Variants in BAG4 observed in about 807,000 individuals in gnomAD.
The protein encoded by BAG4 is BAG family molecular chaperone regulator 4.
Under a neutral mutation model 52.1 loss-of-function variants are expected in BAG4, and 28 were observed. The observed-to-expected ratio is 0.54, with a 90% CI of 0.40 to 0.74. The LOEUF is 0.74. Ranked by LOEUF, BAG4 falls within the 30% of genes least tolerant of loss-of-function variation. BAG4 has a pLI of 0.00. For missense variants in BAG4, 525 were observed against 572.0 expected (o/e 0.92, Z 0.84); for synonymous variants, 208 against 217.0 (o/e 0.96, Z 0.37).
chr8:38,185,045 C>T (rs1356197638), intron 1 of BAG4, among the ~76,000 whole-genome samples: 1 of 149,552 alleles, frequency 6.7e-6, no homozygotes, highest in Non-Finnish European at 1.5e-5. Flanking sequence ...GCCGAGATCG[C>T]ACCACTGCAT....
chr8:38,209,560 A>G, intron 4 of BAG4: 1 of 438,928 alleles, frequency 2.3e-6, no homozygotes, highest in Non-Finnish European at 4.0e-6. Context: ...TACTACTTCA[A>G]ATAATCTATG....
rs772290430 is a variant in BAG4 at position 38,207,755 on chromosome 8, C to T, written c.622C>T (p.Pro208Ser). The T allele has an allele frequency of 4.3e-6, 7 of 1,613,970 alleles. No individual in the cohort carries two copies. In the South Asian group the frequency reaches 7.7e-5, roughly 18 times the overall value. ...TCTTAGGGGGCAGGTTCCAGGATAT[C>T]CGCCTTCACAGGTGAGTTGTTTTCT... is the stretch of plus-strand genomic sequence containing the variant. ...PPLRGQVPGY[P>S]PSQNPGMTLP... The change falls in exon 3 of 5, where the codon CCG (proline) becomes TCG (serine). Residue 208 changes from proline to serine, a missense_variant. By Grantham distance (74) the Pro-to-Ser change is moderately conservative. Around this residue, in one of 2 missense-constraint regions of BAG4, gnomAD observed 238 missense variants for 305.8 expected, o/e 0.78. Transcript: ENST00000287322.
intron 2 of BAG4, among the ~76,000 whole-genome samples, chr8:38,199,937 A>T (rs1803632019): frequency 6.6e-6 from 1 of 151,920 alleles, no homozygotes; most frequent in African/African-American, 2.4e-5. Flanking sequence ...ACTGCTTTAC[A>T]TGTGGATAGT....
In BAG4 at chr8:38,211,110, T is replaced by A. The variant is rs1286872148; in HGVS notation, c.*617T>A. 2 of 151,982 alleles carry A rather than the reference T, an allele frequency of 1.3e-5. No individual in the cohort carries two copies. Among genetic ancestry groups the A allele is most frequent in the African/African-American group, 4.8e-5 (2 of 41,398 alleles). 9.4% of individuals were successfully genotyped at this position (151,982 alleles called of 1,614,324 possible). On this transcript the variant is annotated 3_prime_UTR_variant, in exon 5 of 5. Transcript: ENST00000287322. ...GATAGTATGGCAGTTCTGAAAAAAT[T>A]TATATCTTTTCACCACTTGAATATA... is the stretch of plus-strand genomic sequence containing the variant.
At chr8:38,203,094 C>T (rs962565307) in intron 2 of BAG4, 5 of 152,202 alleles carry the variant, frequency 3.3e-5, no homozygotes, top group South Asian at 2.1e-4. Flanking sequence ...TAATCATCCC[C>T]TACATATCTG....
At chr8:38,179,108 A>G (rs559348713) in intron 1 of BAG4, among the ~76,000 whole-genome samples, 2 of 152,350 alleles carry the variant, frequency 1.3e-5, no homozygotes, top group South Asian at 4.1e-4. Context: ...ATTATATCAC[A>G]GTGTAAACAA....
intron 1 of BAG4, among the ~76,000 whole-genome samples, chr8:38,183,366 T>G (rs1355079991): frequency 2.6e-5 from 4 of 151,840 alleles, no homozygotes; most frequent in Non-Finnish European, 5.9e-5. Context: ...CTTTTGCAAG[T>G]GTAATCAACC....
chr8:38,206,086 G>T (rs376048344), intron 2 of BAG4, among the ~76,000 whole-genome samples: 74 of 151,138 alleles, frequency 4.9e-4, no homozygotes, highest in African/African-American at 1.4e-3. Context: ...TCAGGAGTTC[G>T]AGACCAGCCT....
intron 1 of BAG4, among the ~76,000 whole-genome samples, chr8:38,189,905 C>A (rs1174146108): frequency 6.6e-6 from 1 of 151,948 alleles, no homozygotes; most frequent in African/African-American, 2.4e-5. Context: ...GCAAGCTCCG[C>A]CTCCCAGGTA....
intron 2 of BAG4, among the ~76,000 whole-genome samples, chr8:38,204,684 A>C (rs1378790924): frequency 6.6e-6 from 1 of 151,998 alleles, no homozygotes; most frequent in African/African-American, 2.4e-5. Context: ...GTGAGAAGGG[A>C]AAAAGAAAAA....
intron 1 of BAG4, among the ~76,000 whole-genome samples, chr8:38,187,273 G>T (rs145960438): frequency 6.6e-4 from 100 of 152,112 alleles, no homozygotes; most frequent in Middle Eastern, 6.8e-3. Context: ...TATTAAAAAA[G>T]AAACAAATAG....
intron 1 of BAG4, among the ~76,000 whole-genome samples, chr8:38,182,864 T>G (rs1385062118): frequency 1.3e-5 from 2 of 152,100 alleles, no homozygotes; most frequent in South Asian, 2.1e-4. Flanking sequence ...ATTATACTTT[T>G]TAGTGCTTCA....
chr8:38,194,728 T>C (rs1803533909), intron 2 of BAG4, among the ~76,000 whole-genome samples: 1 of 151,766 alleles, frequency 6.6e-6, no homozygotes, highest in Admixed American at 6.6e-5. Context: ...GTGTACATTT[T>C]TATTAGATAC....
At chr8:38,198,410 C>CT (rs1374104098) in intron 2 of BAG4, among the ~76,000 whole-genome samples, 45 of 135,502 alleles carry the variant, frequency 3.3e-4, no homozygotes, top group South Asian at 9.9e-4. Flanking sequence ...AGTTTTCTTT[C>CT]TTTTTTTTTT....
chr8:38,179,494 G>A (rs947515098), intron 1 of BAG4, among the ~76,000 whole-genome samples: 2 of 151,920 alleles, frequency 1.3e-5, no homozygotes, highest in Admixed American at 6.6e-5. Context: ...CCAGCTGGGT[G>A]TGGTGACATG....
rs1414012047 is a variant in BAG4, at chr8:38,210,484, A to G, written c.1365A>G (p.Lys455=). The change falls in exon 5 of 5, where the codon AAA becomes AAG. Residue 455 remains lysine (K), a synonymous_variant. Transcript: ENST00000287322. ...CCATACTGGAAAAATTAGAAAAAAAAGGATTATGAAAGGATTTAGAACAAA... is the reference window on the plus strand; with the variant it reads ...CCATACTGGAAAAATTAGAAAAAAAGGGATTATGAAAGGATTTAGAACAAA... ...IQAILEKLEK[K]GL 1.3e-6 allele frequency: 2 copies of G among 1,571,026 alleles called. No homozygotes were observed. Among genetic ancestry groups the G allele is most frequent in the East Asian group, 2.2e-5 (1 of 44,640 alleles).
At chr8:38,208,263 C>T (rs1387974051) in intron 3 of BAG4, among the ~76,000 whole-genome samples, 1 of 150,276 alleles carries the variant, frequency 6.7e-6, no homozygotes, top group Non-Finnish European at 1.5e-5. Flanking sequence ...GCATGAGCCA[C>T]CGTGCCAGGC....
intron 2 of BAG4, among the ~76,000 whole-genome samples, chr8:38,197,786 A>G (rs141151155): frequency 4.2e-4 from 64 of 152,076 alleles, no homozygotes; most frequent in African/African-American, 1.5e-3. Flanking sequence ...TGCAACCTCC[A>G]TCTCCTGGGT....
chr8:38,190,738 C>T (rs2130672126), intron 1 of BAG4, among the ~76,000 whole-genome samples: 1 of 150,346 alleles, frequency 6.7e-6, no homozygotes, highest in Admixed American at 6.7e-5. Context: ...CCACTGCGCC[C>T]AGCCCAAGTT....
Sources: gnomAD v4.1 joint callset for allele counts (sites outside exome capture counted in the v4.1 genomes callset) on GRCh38, gnomAD v4.1.1 for gene constraint, gnomAD v4.1.1 regional missense constraint, MANE v1.5 for transcripts, NCBI Gene and HGNC (gene_info 2026-07-23, HGNC 2026-07-21) for gene names.